The following INVS variants were observed in gnomAD, a reference collection of about 807,000 sequenced individuals.
INVS encodes inversin, also known as inversion of embryo turning homolog.
INVS carries 86 observed loss-of-function variants against 108.8 expected under a neutral mutation model. That is an observed-to-expected ratio of 0.79 (90% CI 0.66 to 0.95). The LOEUF (loss-of-function observed/expected upper bound fraction) is 0.95, where lower values mean the gene tolerates loss of function less well. Among genes scored for constraint, INVS ranks in the 40% least tolerant of loss-of-function variants. The pLI is 0.00. For missense variants in INVS, 1,169 were observed against 1,297.4 expected, an observed-to-expected ratio of 0.90 and a Z score of 1.52; for synonymous variants, 455 against 473.5, an observed-to-expected ratio of 0.96 and a Z score of 0.51.
At chr9:100,148,461 G>A (rs1828699724) in intron 3 of INVS, among the ~76,000 whole-genome samples, 1 of 152,146 alleles carries the variant, frequency 6.6e-6, no homozygotes, top group African/African-American at 2.4e-5. Context: ...CTGGGAAATG[G>A]CAGAAAATTC....
In INVS at chr9:100,226,963, C is replaced by T. The variant is rs11998846; in HGVS notation, c.447+728C>T. Reference sequence around the variant, plus strand: ...AAATGCTTAGTGGTTTAGTGGCCTACGCTTTGGTATCAGCCTTCCTGGGTT... The same window carrying T: ...AAATGCTTAGTGGTTTAGTGGCCTATGCTTTGGTATCAGCCTTCCTGGGTT... On this transcript the variant is annotated intron_variant, in intron 4 of 16. Transcript: ENST00000262457. Among the ~76,000 whole-genome samples, 792 of 152,262 alleles carry T rather than the reference C, an allele frequency of 5.2e-3. 8 individuals are homozygous for T. The highest frequency in any genetic ancestry group is 0.018 in the African/African-American group (746 of 41,558).
intron 12 of INVS, among the ~76,000 whole-genome samples, chr9:100,275,559 A>G (rs560102285): frequency 1.3e-5 from 2 of 152,360 alleles, no homozygotes; most frequent in East Asian, 1.9e-4. Context: ...TCTTGCTTGA[A>G]GAAACAAACA....
chr9:100,301,398 A>T lies in INVS; in HGVS notation c.*724A>T, dbSNP rs1004498407. ...TGCTGAATACCAACAGCCGTATTAC[A>T]GTATCAAGGATTCTGTCAGGTAGGG... On this transcript the variant is annotated 3_prime_UTR_variant, in exon 17 of 17. Transcript: ENST00000262457. Among the ~76,000 whole-genome samples, 2 of 152,220 alleles carry T rather than the reference A, an allele frequency of 1.3e-5. No homozygotes were observed. The highest frequency in any genetic ancestry group is 4.8e-5 in the African/African-American group (2 of 41,456).
At chr9:100,213,198 A>AC (rs1198489974) in intron 3 of INVS, among the ~76,000 whole-genome samples, 1 of 91,132 alleles carries the variant, frequency 1.1e-5, no homozygotes, top group Non-Finnish European at 2.4e-5. Context: ...CAACACATGA[A>AC]TTGGGGGGGT....
intron 14 of INVS, among the ~76,000 whole-genome samples, chr9:100,295,341 G>A (rs1011871692): frequency 6.6e-6 from 1 of 152,208 alleles, no homozygotes; most frequent in Non-Finnish European, 1.5e-5. Flanking sequence ...CCCTCTGGAT[G>A]TGCCATTGTG....
At chr9:100,219,049 A>G (rs1233949266) in intron 3 of INVS, among the ~76,000 whole-genome samples, 1 of 152,264 alleles carries the variant, frequency 6.6e-6, no homozygotes, top group African/African-American at 2.4e-5. Flanking sequence ...AACAAAGCAA[A>G]CAATATTATT....
chr9:100,161,364 C>CAAAAAAAAA (rs35392930), intron 3 of INVS, among the ~76,000 whole-genome samples: 1 of 12,388 alleles, frequency 8.1e-5, no homozygotes. Flanking sequence ...ACTTCCATCT[C>CAAAAAAAAA]AAAAAAAAAA....
rs1833962714 is a variant in INVS, at chr9:100,301,267, A to G, written c.*593A>G. On this transcript the variant is annotated 3_prime_UTR_variant, in exon 17 of 17. Transcript: ENST00000262457. Reference sequence around the variant, plus strand: ...CACTGTTTTCATTTAGAAATTGTCCAAAAGACCATAGATACATTCTGGTGA... The same window carrying G: ...CACTGTTTTCATTTAGAAATTGTCCGAAAGACCATAGATACATTCTGGTGA... Among the ~76,000 whole-genome samples, 1 of 152,114 alleles carries G rather than the reference A, an allele frequency of 6.6e-6. No homozygotes were observed. The highest frequency in any genetic ancestry group is 1.5e-5 in the Non-Finnish European group (1 of 68,020).
chr9:100,192,112 G>A (rs1476704600), intron 3 of INVS, among the ~76,000 whole-genome samples: 1 of 152,074 alleles, frequency 6.6e-6, no homozygotes, highest in East Asian at 1.9e-4. Flanking sequence ...TGTGATTTCT[G>A]TCAGTTTTCC....
intron 3 of INVS, chr9:100,175,999 A>G: frequency 3.6e-6 from 2 of 548,140 alleles, no homozygotes; most frequent in Admixed American, 3.8e-5. Context: ...TTAGTACTCC[A>G]CAAACCATAG....
At chr9:100,175,285 A>G (rs951571112) in intron 3 of INVS, 6 of 673,808 alleles carry the variant, frequency 8.9e-6, no homozygotes, top group Non-Finnish European at 1.6e-5. Flanking sequence ...CAAACTATCC[A>G]TCCTTGCATA....
At chr9:100,172,838 G>C (rs846752) in intron 3 of INVS, among the ~76,000 whole-genome samples, 105,831 of 152,076 alleles carry the variant, frequency 0.7, 37,948 homozygotes, top group East Asian at 0.91. Flanking sequence ...GTGGCTATTC[G>C]ACCCAGTGAG....
At chr9:100,186,754 G>A (rs1356009677) in intron 3 of INVS, among the ~76,000 whole-genome samples, 1 of 152,048 alleles carries the variant, frequency 6.6e-6, no homozygotes, top group Non-Finnish European at 1.5e-5. Context: ...GTGGATTCTG[G>A]TTATTAGTTC....
At chr9:100,296,533 A>G (rs1057487436) in intron 14 of INVS, among the ~76,000 whole-genome samples, 2 of 152,134 alleles carry the variant, frequency 1.3e-5, no homozygotes, top group Non-Finnish European at 2.9e-5. Flanking sequence ...GCTCCTATTC[A>G]TCTTTTAAAA....
chr9:100,288,680 G>A (rs1833520589), intron 13 of INVS, among the ~76,000 whole-genome samples: 1 of 151,768 alleles, frequency 6.6e-6, no homozygotes, highest in South Asian at 2.1e-4. Context: ...GAGTGCAGTG[G>A]TTCAAGCACA....
At chr9:100,117,508 C>T in intron 2 of INVS, 1 of 833,318 alleles carries the variant, frequency 1.2e-6, no homozygotes, top group South Asian at 1.4e-5. Flanking sequence ...AGCCCGGGCC[C>T]CGTCCACGGC....
At position 100,284,422 on chromosome 9, in the gene INVS, C is replaced by G. The variant is rs1467370477; in HGVS notation, c.1887C>G (p.Thr629=). ...AGGCCCTTCCCTGTCTGCCTAGCAC[C>G]CAGGATGTGCCCAGCAGGCAGAGCC... ...RPQALPCLPS[T]QDVPSRQSRA... The change falls in exon 13 of 17, where the codon ACC becomes ACG. Residue 629 remains threonine, a synonymous_variant. Coordinates refer to ENST00000262457, the MANE Select transcript of INVS (RefSeq NM_014425.5). 6.2e-7 allele frequency: 1 copy of G among 1,614,016 alleles called. No individual in the cohort carries two copies. Among genetic ancestry groups the G allele is most frequent in the Admixed American group, 1.7e-5 (1 of 60,014 alleles).
At chr9:100,133,764 TACACACACAC>T (rs147744972) in intron 3 of INVS, among the ~76,000 whole-genome samples, 25,202 of 123,878 alleles carry the variant, frequency 0.2, 3,403 homozygotes, top group African/African-American at 0.42. Context: ...CTGCCAAAGC[TACACACACAC>T]ACACACACAC....
At position 100,177,767 on chromosome 9, in the gene INVS, C is replaced by T. The variant is rs186044451; in HGVS notation, c.274-48295C>T. Among the ~76,000 whole-genome samples, 323 of 152,316 alleles carry T rather than the reference C, an allele frequency of 2.1e-3. 2 individuals carry two copies. The highest frequency in any genetic ancestry group is 6.4e-3 in the African/African-American group (265 of 41,576). ...GCAGCAGATCTCCCAACACAGCGCT[C>T]GAGCTCTGCTAAGGGAAAGACTGCC... On this transcript the variant is annotated intron_variant, in intron 3 of 16. Transcript: ENST00000262457.
Sources: gnomAD v4.1 joint callset for allele counts (sites outside exome capture counted in the v4.1 genomes callset) on GRCh38, gnomAD v4.1.1 for gene constraint, MANE v1.5 for transcripts, NCBI Gene and HGNC (gene_info 2026-07-23, HGNC 2026-07-21) for gene names.